The following CADM2 variants were observed in gnomAD, a reference collection of about 807,000 sequenced individuals.
CADM2 encodes the protein cell adhesion molecule 2.
A neutral mutation model predicts 49.8 loss-of-function variants in CADM2; 12 were observed. The ratio of observed to expected loss-of-function variants is 0.24; its 90% CI spans 0.15 to 0.39. The LOEUF is 0.39. Among genes scored for constraint, CADM2 ranks in the 10% least tolerant of loss-of-function variants. The probability of loss-of-function intolerance (pLI) is 1.00; values close to 1 mark genes in which losing one functional copy is unlikely to be tolerated. For missense variants in CADM2, 378 were observed against 492.3 expected, an observed-to-expected ratio of 0.77 and a Z score of 2.20; for synonymous variants, 214 against 175.4, an observed-to-expected ratio of 1.22 and a Z score of -1.74.
At chr3:85,214,722 C>T (rs781271219) in intron 1 of CADM2, among the ~76,000 whole-genome samples, 9 of 152,048 alleles carry the variant, frequency 5.9e-5, no homozygotes, top group Non-Finnish European at 1.2e-4. Context: ...GCAGTCTCTC[C>T]CCATGGCCAC....
chr3:85,225,418 A>T (rs1398797620), intron 1 of CADM2, among the ~76,000 whole-genome samples: 2 of 152,160 alleles, frequency 1.3e-5, no homozygotes, highest in Non-Finnish European at 2.9e-5. Context: ...TTACTGGTGT[A>T]TAGGAATGCT....
intron 1 of CADM2, among the ~76,000 whole-genome samples, chr3:85,353,033 T>G (rs1202825384): frequency 6.6e-6 from 1 of 152,182 alleles, no homozygotes; most frequent in Non-Finnish European, 1.5e-5. Context: ...TATCCTTAAA[T>G]GCTTTGAACA....
intron 1 of CADM2, among the ~76,000 whole-genome samples, chr3:85,024,610 G>T (rs960929884): frequency 6.6e-6 from 1 of 150,978 alleles, no homozygotes; most frequent in Non-Finnish European, 1.5e-5. Flanking sequence ...TTATTTATGA[G>T]ATGTTACTAT....
chr3:86,032,174 G>C (rs1466525873), intron 8 of CADM2, among the ~76,000 whole-genome samples: 1 of 151,538 alleles, frequency 6.6e-6, no homozygotes, highest in Admixed American at 6.6e-5. Flanking sequence ...TCACAGTATG[G>C]TTTAAATACA....
intron 1 of CADM2, among the ~76,000 whole-genome samples, chr3:84,995,930 C>G (rs956319657): frequency 1.3e-5 from 2 of 152,110 alleles, no homozygotes; most frequent in Non-Finnish European, 2.9e-5. Flanking sequence ...ATGAGTTTTC[C>G]ATGCCTATTG....
intron 8 of CADM2, among the ~76,000 whole-genome samples, chr3:86,001,847 A>G (rs1420320212): frequency 6.6e-6 from 1 of 152,150 alleles, no homozygotes; most frequent in Admixed American, 6.5e-5. Flanking sequence ...ATCTGGAGCT[A>G]TGAATTTGGA....
chr3:85,965,919 A>C (rs1162694072), intron 8 of CADM2, among the ~76,000 whole-genome samples: 2 of 151,728 alleles, frequency 1.3e-5, no homozygotes, highest in African/African-American at 4.8e-5. Context: ...TAAAAGTGAC[A>C]GAAATGTACA....
At chr3:85,139,987 A>G (rs1243687205) in intron 1 of CADM2, among the ~76,000 whole-genome samples, 2 of 152,128 alleles carry the variant, frequency 1.3e-5, no homozygotes, top group Admixed American at 1.3e-4. Context: ...AGAACAGATA[A>G]CACGTTCAGT....
intron 1 of CADM2, among the ~76,000 whole-genome samples, chr3:85,463,322 C>T (rs1391007485): frequency 6.6e-6 from 1 of 152,028 alleles, no homozygotes. Context: ...CTCTAAGGGG[C>T]TCTTCTCATA....
At chr3:85,510,624 A>G (rs909903858) in intron 1 of CADM2, among the ~76,000 whole-genome samples, 1 of 152,086 alleles carries the variant, frequency 6.6e-6, no homozygotes, top group African/African-American at 2.4e-5. Context: ...TCAATAAAAT[A>G]AACCAATATA....
chr3:84,977,520 T>A (rs2107120662), intron 1 of CADM2, among the ~76,000 whole-genome samples: 1 of 152,172 alleles, frequency 6.6e-6, no homozygotes, highest in South Asian at 2.1e-4. Context: ...AAGATACATT[T>A]TTTTCTTAAA....
chr3:85,568,467 T>TTCTCTC (rs763270112), intron 1 of CADM2, among the ~76,000 whole-genome samples: 1 of 24,538 alleles, frequency 4.1e-5, no homozygotes, highest in African/African-American at 1.2e-4. Context: ...TTCTTTCTCT[T>TTCTCTC]TCTCTCTCTT....
At chr3:85,895,047 G>A (rs1387406565) in intron 5 of CADM2, among the ~76,000 whole-genome samples, 1 of 152,210 alleles carries the variant, frequency 6.6e-6, no homozygotes, top group Non-Finnish European at 1.5e-5. Flanking sequence ...GTGGAGCTGT[G>A]AGAAGAGAGC....
chr3:85,039,801 G>T (rs1272944970), intron 1 of CADM2, among the ~76,000 whole-genome samples: 2 of 152,074 alleles, frequency 1.3e-5, no homozygotes, highest in African/African-American at 2.4e-5. Flanking sequence ...ATCAAGAAGC[G>T]CAGTGAGCTC....
At chr3:85,256,837 C>T (rs951182501) in intron 1 of CADM2, among the ~76,000 whole-genome samples, 9 of 152,228 alleles carry the variant, frequency 5.9e-5, no homozygotes, top group Middle Eastern at 3.4e-3. Flanking sequence ...TATTTATCTA[C>T]TGTGGTTTGA....
chr3:85,969,825 G>C (rs1725893745), intron 8 of CADM2, among the ~76,000 whole-genome samples: 1 of 150,836 alleles, frequency 6.6e-6, no homozygotes, highest in Admixed American at 6.7e-5. Context: ...ATCTGTTTCT[G>C]TCTGTCTCTC....
rs567164210 is a variant in CADM2, at chr3:85,128,022, C to T, written c.61+168354C>T. ...AGCCCCATTTCAAGTCCTCAAGAAA[C>T]GCATGTGGCTAATGATTACGGTGGT... On this transcript the variant is annotated intron_variant, in intron 1 of 9. Coordinates refer to ENST00000383699, the MANE Select transcript of CADM2 (RefSeq NM_001167675.2). 3.9e-4 allele frequency among the ~76,000 whole-genome samples: 60 copies of T among 152,194 alleles called. 1 individual carries two copies. Among genetic ancestry groups the T allele is most frequent in the Non-Finnish European group, 6.6e-4 (45 of 68,008 alleles).
chr3:85,950,019 T>C (rs73843523), intron 7 of CADM2, among the ~76,000 whole-genome samples: 1 of 151,054 alleles, frequency 6.6e-6, no homozygotes, highest in Non-Finnish European at 1.5e-5. Flanking sequence ...TTCTGAGAAA[T>C]GCACACTCAT....
At chr3:85,453,762 T>G (rs2037861234) in intron 1 of CADM2, among the ~76,000 whole-genome samples, 1 of 152,188 alleles carries the variant, frequency 6.6e-6, no homozygotes, top group Non-Finnish European at 1.5e-5. Context: ...TAATTAGATT[T>G]AAACTATGTT....
Sources: gnomAD v4.1 joint callset for allele counts (sites outside exome capture counted in the v4.1 genomes callset) on GRCh38, gnomAD v4.1.1 for gene constraint, MANE v1.5 for transcripts, NCBI Gene and HGNC (gene_info 2026-07-23, HGNC 2026-07-21) for gene names.